Variants in ACTR3 observed in about 807,000 individuals in gnomAD.
The protein encoded by ACTR3 is actin-related protein 3.
In ACTR3, 12 loss-of-function variants were observed where a neutral mutation model predicts 56.8. The ratio of observed to expected loss-of-function variants is 0.21; its 90% CI spans 0.14 to 0.34. The LOEUF is 0.34. Among genes scored for constraint, ACTR3 ranks in the 10% least tolerant of loss-of-function variants. The pLI is 1.00. For missense variants in ACTR3, 282 were observed against 512.5 expected (o/e 0.55, Z 4.34); for synonymous variants, 162 against 167.4 (o/e 0.97, Z 0.25).
chr2:113,931,402 C>A lies in ACTR3; in HGVS notation c.432+6C>A. The A allele has an allele frequency of 1.3e-6, 2 of 1,533,686 alleles. No individual in the cohort carries two copies. The highest frequency in any genetic ancestry group is 1.8e-6 in the Non-Finnish European group (2 of 1,137,402). ...GCTTGTACATTGCTGTGCAGGTAAGCAAGTTCATACTTTCTAAGTTTGATT... is the reference window on the plus strand; with the variant it reads ...GCTTGTACATTGCTGTGCAGGTAAGAAAGTTCATACTTTCTAAGTTTGATT... On this transcript the variant is annotated splice_donor_region_variant and intron_variant, in intron 5 of 11. Transcript: ENST00000263238.
intron 2 of ACTR3, among the ~76,000 whole-genome samples, chr2:113,914,344 G>T (rs887699063): frequency 6.6e-6 from 1 of 152,188 alleles, no homozygotes; most frequent in Non-Finnish European, 1.5e-5. Context: ...CGGGATCGGT[G>T]GCTCACGCCT....
At chr2:113,904,911 T>C (rs1679166047) in intron 1 of ACTR3, 1 of 152,218 alleles carries the variant, frequency 6.6e-6, no homozygotes, top group Non-Finnish European at 1.5e-5. Context: ...CTTCCCTCCC[T>C]TGTCATTAAC....
At position 113,957,752 on chromosome 2, in the gene ACTR3, G is replaced by A. The variant is rs1009837863; in HGVS notation, c.*297G>A. On this transcript the variant is annotated 3_prime_UTR_variant, in exon 12 of 12. Transcript: ENST00000263238. ...TATATTAATGAATTATCCAAGATTC[G>A]ATGGGATTTATCAGTGTGTAGATAG... The A allele has an allele frequency of 6.8e-6, 2 of 292,998 alleles. No individual in the cohort carries two copies. Among genetic ancestry groups the A allele is most frequent in the Admixed American group, 4.4e-5 (1 of 22,854 alleles). The allele number at this position is 292,998 out of a possible 1,614,324, so 18.1% of individuals were successfully genotyped here. A position where few individuals can be genotyped will look rare whatever the true frequency, so the allele number is the denominator to read the frequency against.
chr2:113,917,568 C>G (rs1197314868), intron 3 of ACTR3, among the ~76,000 whole-genome samples: 1 of 152,158 alleles, frequency 6.6e-6, no homozygotes, highest in Non-Finnish European at 1.5e-5. Flanking sequence ...TGCTTGTTCA[C>G]ACAGTCACTA....
At chr2:113,930,630 G>A (rs1045289487) in intron 4 of ACTR3, among the ~76,000 whole-genome samples, 2 of 152,180 alleles carry the variant, frequency 1.3e-5, no homozygotes, top group Non-Finnish European at 2.9e-5. Context: ...TGAGGCATAG[G>A]TGAAATATGA....
chr2:113,920,741 A>G (rs778255980), intron 3 of ACTR3, among the ~76,000 whole-genome samples: 7 of 151,994 alleles, frequency 4.6e-5, no homozygotes, highest in East Asian at 1.9e-4. Flanking sequence ...AGAACATGCA[A>G]TTTTTTATCT....
rs770025251 is a variant in ACTR3 at position 113,955,590 on chromosome 2, C to T, written c.1078-33C>T. The T allele has an allele frequency of 2.8e-6, 4 of 1,447,238 alleles. No homozygotes were observed. In the South Asian group the frequency reaches 4.7e-5, roughly 17 times the overall value. 89.6% of individuals were successfully genotyped at this position (1,447,238 alleles called of 1,614,324 possible). A position where few individuals can be genotyped will look rare whatever the true frequency, so the allele number is the denominator to read the frequency against. On this transcript the variant is annotated intron_variant, in intron 10 of 11. Coordinates refer to ENST00000263238, the MANE Select transcript of ACTR3 (RefSeq NM_005721.5). ...ACACAGAAGTTGTTATTTGAATTTA[C>T]TATGAAGATGATCATACTATGTCTT... is the stretch of plus-strand genomic sequence containing the variant.
rs978176389 is a variant in ACTR3, at chr2:113,915,984, A to G, written c.101-900A>G. Reference sequence around the variant, plus strand: ...GTGGTTCAAGGTTTTTTTTATATACATGCATATTTATTTTTAGGAAATTTA... The same window carrying G: ...GTGGTTCAAGGTTTTTTTTATATACGTGCATATTTATTTTTAGGAAATTTA... On this transcript the variant is annotated intron_variant, in intron 2 of 11. Coordinates refer to ENST00000263238, the MANE Select transcript of ACTR3 (RefSeq NM_005721.5). 2.6e-5 allele frequency among the ~76,000 whole-genome samples: 4 copies of G among 152,304 alleles called. No individual in the cohort carries two copies. The South Asian group carries it at 8.3e-4, about 32-fold the overall frequency.
intron 6 of ACTR3, among the ~76,000 whole-genome samples, chr2:113,935,479 G>T (rs1679809879): frequency 6.6e-6 from 1 of 152,122 alleles, no homozygotes; most frequent in Non-Finnish European, 1.5e-5. Flanking sequence ...TTGTAACTGG[G>T]TGCTTTCACT....
intron 1 of ACTR3, among the ~76,000 whole-genome samples, chr2:113,899,910 G>C (rs1012689640): frequency 2.0e-5 from 3 of 152,212 alleles, no homozygotes; most frequent in Non-Finnish European, 4.4e-5. Flanking sequence ...GGGACAGCAA[G>C]TAGTTTATTT....
intron 1 of ACTR3, among the ~76,000 whole-genome samples, chr2:113,911,648 A>G (rs1367748578): frequency 6.8e-6 from 1 of 147,242 alleles, no homozygotes; most frequent in Non-Finnish European, 1.5e-5. Context: ...CGAATTCCTC[A>G]CCTCAAGTGA....
chr2:113,942,410 T>A, intron 8 of ACTR3, 51 bp downstream of exon 8: 2 of 1,245,486 alleles, frequency 1.6e-6, no homozygotes, highest in Non-Finnish European at 2.2e-6. Context: ...CAAATATGAA[T>A]TAATAGATAT....
At position 113,958,961 on chromosome 2, in the gene ACTR3, C is replaced by T. The variant is rs1349755363; in HGVS notation, c.*1506C>T. ...AGAGTGGATCTGAATATTTAAAATC[C>T]TATAATAATTTTTGTGAATCTTCAT... On this transcript the variant is annotated 3_prime_UTR_variant, in exon 12 of 12. Transcript: ENST00000263238. 1 of 151,844 alleles carries T rather than the reference C, an allele frequency of 6.6e-6. No homozygotes were observed. The highest frequency in any genetic ancestry group is 1.5e-5 in the Non-Finnish European group (1 of 67,870). 9.4% of individuals were successfully genotyped at this position (151,844 alleles called of 1,614,324 possible).
chr2:113,926,981 A>G (rs1679632891), intron 3 of ACTR3, among the ~76,000 whole-genome samples: 1 of 152,244 alleles, frequency 6.6e-6, no homozygotes, highest in Non-Finnish European at 1.5e-5. Flanking sequence ...ATTAAAAATT[A>G]AGGAAATTGT....
intron 2 of ACTR3, among the ~76,000 whole-genome samples, chr2:113,915,762 T>C (rs184633893): frequency 5.3e-5 from 8 of 152,338 alleles, no homozygotes; most frequent in Admixed American, 2.6e-4. Flanking sequence ...TGCCAAAATA[T>C]GAAGTCTTTG....
chr2:113,910,315 G>C (rs1481504825), intron 1 of ACTR3, among the ~76,000 whole-genome samples: 2 of 152,148 alleles, frequency 1.3e-5, no homozygotes, highest in Non-Finnish European at 2.9e-5. Context: ...TGGTACGCTC[G>C]AGAGGGTGTG....
intron 1 of ACTR3, among the ~76,000 whole-genome samples, chr2:113,897,245 A>C (rs1057112704): frequency 6.6e-6 from 1 of 152,168 alleles, no homozygotes; most frequent in African/African-American, 2.4e-5. Flanking sequence ...TTGAAATAGG[A>C]TAGTGACTAA....
intron 3 of ACTR3, 96 bp from the exon 4 acceptor site, chr2:113,927,249 A>T: frequency 1.4e-6 from 1 of 702,508 alleles, no homozygotes; most frequent in Non-Finnish European, 2.3e-6. Context: ...ATCCTCATCT[A>T]ATATCCACTA....
At chr2:113,890,807 A>G (rs1678878999) in intron 1 of ACTR3, 1 of 997,228 alleles carries the variant, frequency 1.0e-6, no homozygotes, top group African/African-American at 1.7e-5. Context: ...CTGTGACAAC[A>G]TTCTGCCCAG....
Sources: gnomAD v4.1 joint callset for allele counts (sites outside exome capture counted in the v4.1 genomes callset) on GRCh38, gnomAD v4.1.1 for gene constraint, MANE v1.5 for transcripts, NCBI Gene and HGNC (gene_info 2026-07-23, HGNC 2026-07-21) for gene names.